The following HTR1F variants were observed in gnomAD, a reference collection of about 807,000 sequenced individuals.
The protein encoded by HTR1F is 5-hydroxytryptamine receptor 1F.
In HTR1F, 17 loss-of-function variants were observed where a neutral mutation model predicts 24.0. The observed-to-expected ratio is 0.71, with a 90% confidence interval of 0.48 to 1.06. The LOEUF is 1.06. HTR1F is among the 50% of genes least tolerant of loss of function. The probability of loss-of-function intolerance (pLI) is 0.00; values close to 1 mark genes in which losing one functional copy is unlikely to be tolerated. For synonymous variants in HTR1F, 186 were observed against 156.8 expected, an observed-to-expected ratio of 1.19 and a Z score of -1.39; for missense variants, 391 against 427.8, an observed-to-expected ratio of 0.91 and a Z score of 0.76.
intron 2 of HTR1F, among the ~76,000 whole-genome samples, chr3:87,931,745 T>A (rs1704278128): frequency 6.6e-6 from 1 of 151,698 alleles, no homozygotes. Context: ...GCATTCTAAC[T>A]GGTGTGAGAT....
At chr3:87,903,668 C>T (rs1703580192) in intron 2 of HTR1F, among the ~76,000 whole-genome samples, 1 of 151,924 alleles carries the variant, frequency 6.6e-6, no homozygotes, top group Non-Finnish European at 1.5e-5. Flanking sequence ...CACTTTTACA[C>T]TGTTGGTGGG....
intron 2 of HTR1F, among the ~76,000 whole-genome samples, chr3:87,852,330 G>C (rs1376681504): frequency 6.6e-6 from 1 of 151,504 alleles, no homozygotes; most frequent in African/African-American, 2.4e-5. Flanking sequence ...ATGCATTTCT[G>C]TTCCTGTTTT....
intron 2 of HTR1F, among the ~76,000 whole-genome samples, chr3:87,958,504 T>C (rs925043585): frequency 1.3e-5 from 2 of 151,586 alleles, no homozygotes; most frequent in Non-Finnish European, 3.0e-5. Context: ...GCATGGTTTA[T>C]AGGAGGCACT....
chr3:87,882,745 A>G (rs1217908349), intron 2 of HTR1F, among the ~76,000 whole-genome samples: 1 of 151,408 alleles, frequency 6.6e-6, no homozygotes, highest in Non-Finnish European at 1.5e-5. Flanking sequence ...TGGGAGATAT[A>G]CCTAATGCTA....
At chr3:87,798,901 T>G (rs936545504) in intron 1 of HTR1F, among the ~76,000 whole-genome samples, 1 of 152,198 alleles carries the variant, frequency 6.6e-6, no homozygotes, top group African/African-American at 2.4e-5. Context: ...GATTTTTACT[T>G]CTTCATTCGT....
At chr3:87,794,451 G>A (rs1230506515) in intron 1 of HTR1F, among the ~76,000 whole-genome samples, 1 of 152,140 alleles carries the variant, frequency 6.6e-6, no homozygotes, top group Non-Finnish European at 1.5e-5. Flanking sequence ...GTTCAATAAA[G>A]GAACAAACTC....
At chr3:87,839,028 T>C (rs994130) in intron 2 of HTR1F, among the ~76,000 whole-genome samples, 7 of 150,216 alleles carry the variant, frequency 4.7e-5, no homozygotes, top group Admixed American at 4.6e-4. Flanking sequence ...ATTTTTATTT[T>C]TTTTTTTTGC....
At chr3:87,937,724 C>T (rs973365888) in intron 2 of HTR1F, among the ~76,000 whole-genome samples, 1 of 152,026 alleles carries the variant, frequency 6.6e-6, no homozygotes, top group Non-Finnish European at 1.5e-5. Flanking sequence ...GAGATCAAGA[C>T]CATCCTGGCT....
rs190561396 is a variant in HTR1F, at chr3:87,949,015, G to A, written c.-42-41693G>A. Among the ~76,000 whole-genome samples, 45 of 152,122 alleles carry A rather than the reference G, an allele frequency of 3.0e-4. 1 individual carries two copies. The East Asian group carries it at 7.5e-3, about 25-fold the overall frequency. ...ACCATCCTGTTGTAAACCAAATTGT[G>A]TATCTATTTATATTCTATCAATGTT... On this transcript the variant is annotated intron_variant, in intron 2 of 2. Transcript: ENST00000319595.
At chr3:87,858,047 C>A (rs1442159654) in intron 2 of HTR1F, among the ~76,000 whole-genome samples, 1 of 152,050 alleles carries the variant, frequency 6.6e-6, no homozygotes, top group Non-Finnish European at 1.5e-5. Flanking sequence ...GTAAGGATTG[C>A]AACAGTAAAA....
intron 2 of HTR1F, among the ~76,000 whole-genome samples, chr3:87,868,727 A>G (rs1466748050): frequency 6.6e-6 from 1 of 151,920 alleles, no homozygotes; most frequent in Admixed American, 6.6e-5. Context: ...GCAAACAATG[A>G]TGTTTATTAT....
chr3:87,829,680 A>G (rs1252572529), intron 2 of HTR1F, among the ~76,000 whole-genome samples: 1 of 152,238 alleles, frequency 6.6e-6, no homozygotes, highest in African/African-American at 2.4e-5. Context: ...GGTTCAAGTG[A>G]ACCAGCCACT....
chr3:87,987,552 G>A (rs1463165930), intron 2 of HTR1F, among the ~76,000 whole-genome samples: 1 of 147,962 alleles, frequency 6.8e-6, no homozygotes, highest in East Asian at 2.0e-4. Flanking sequence ...TGAGAGAAGG[G>A]GAGTTAAAAG....
intron 2 of HTR1F, among the ~76,000 whole-genome samples, chr3:87,926,848 T>A (rs1005495600): frequency 3.9e-5 from 6 of 152,120 alleles, no homozygotes; most frequent in African/African-American, 1.4e-4. Flanking sequence ...CGGTGATAGG[T>A]AAGGTATCCT....
At position 87,944,622 on chromosome 3, in the gene HTR1F, G is replaced by T. The variant is rs578236710; in HGVS notation, c.-42-46086G>T. 3.9e-5 allele frequency among the ~76,000 whole-genome samples: 6 copies of T among 152,298 alleles called. No homozygotes were observed. In the East Asian group the frequency reaches 1.2e-3, roughly 29 times the overall value. ...GGGTTAAGGGAATTATCAGTGGTTG[G>T]TGTTAAATTACCTTTTTCTAACAGA... On this transcript the variant is annotated intron_variant, in intron 2 of 2. Coordinates refer to ENST00000319595, the MANE Select transcript of HTR1F (RefSeq NM_001322209.2).
chr3:87,805,216 C>T (rs1296053048), intron 1 of HTR1F, among the ~76,000 whole-genome samples: 1 of 150,802 alleles, frequency 6.6e-6, no homozygotes, highest in Non-Finnish European at 1.5e-5. Context: ...TTTTTTTTTA[C>T]CACTCTTCTC....
rs1394087424 is a variant in HTR1F, at chr3:87,868,441, T to C, written c.-43+46317T>C. Among the ~76,000 whole-genome samples, 3 of 151,966 alleles carry C rather than the reference T, an allele frequency of 2.0e-5. No homozygotes were observed. The East Asian group carries it at 5.8e-4, about 29-fold the overall frequency. ...AAGAAATGGTTAAGAAGGATATAAT[T>C]AGATAGAAGAATGAATGCAACACAA... On this transcript the variant is annotated intron_variant, in intron 2 of 2. Coordinates refer to ENST00000319595, the MANE Select transcript of HTR1F (RefSeq NM_001322209.2).
intron 2 of HTR1F, among the ~76,000 whole-genome samples, chr3:87,918,909 C>T (rs1703952391): frequency 6.6e-6 from 1 of 151,946 alleles, no homozygotes; most frequent in African/African-American, 2.4e-5. Context: ...AAAGGGCCCG[C>T]ATAGCCAAAG....
intron 2 of HTR1F, among the ~76,000 whole-genome samples, chr3:87,929,218 G>C (rs960354804): frequency 3.3e-5 from 5 of 152,144 alleles, no homozygotes; most frequent in Non-Finnish European, 5.9e-5. Flanking sequence ...AGAACAGAAA[G>C]CACATGGCAC....
Sources: allele counts gnomAD v4.1 joint callset (sites outside exome capture counted in the v4.1 genomes callset), GRCh38; gene constraint gnomAD v4.1.1; transcripts MANE v1.5; gene names NCBI Gene and HGNC (gene_info 2026-07-23, HGNC 2026-07-21).